Variants in SLC35F1 observed in about 807,000 individuals in gnomAD.
SLC35F1 encodes solute carrier family 35 member F1.
In SLC35F1, 14 loss-of-function variants were observed where a neutral mutation model predicts 48.7. The ratio of observed to expected loss-of-function variants is 0.29; its 90% confidence interval spans 0.19 to 0.45. The LOEUF is 0.45. SLC35F1 is among the 20% of genes least tolerant of loss of function. The pLI is 1.00. For missense variants in SLC35F1, 404 were observed against 500.0 expected (o/e 0.81, Z 1.83); for synonymous variants, 190 against 202.2 (o/e 0.94, Z 0.51).
intron 2 of SLC35F1, among the ~76,000 whole-genome samples, chr6:118,233,390 G>A (rs575630403): frequency 4.6e-5 from 7 of 152,340 alleles, no homozygotes; most frequent in African/African-American, 1.7e-4. Flanking sequence ...AGAGGCAGAA[G>A]AGCTGTTCAA....
At chr6:117,976,357 G>A (rs1320712361) in intron 1 of SLC35F1, among the ~76,000 whole-genome samples, 2 of 152,146 alleles carry the variant, frequency 1.3e-5, no homozygotes, top group Non-Finnish European at 2.9e-5. Context: ...TTCCTTTTTA[G>A]AAGAGTAATT....
chr6:118,317,182 T>A lies in SLC35F1; in HGVS notation c.*2930T>A, dbSNP rs2114679275. 6.5e-6 allele frequency: 1 copy of A among 152,686 alleles called. No homozygotes were observed. The highest frequency in any genetic ancestry group is 2.1e-4 in the South Asian group (1 of 4,816). The allele number at this position is 152,686 out of a possible 1,614,324, so 9.5% of individuals were successfully genotyped here. A position where few individuals can be genotyped will look rare whatever the true frequency, so the allele number is the denominator to read the frequency against. Reference sequence around the variant, plus strand: ...CTCCTGAACCCTGCTAGAGATTAAGTGGTGGTTCTCACTTCCTCAATGAAA... The same window carrying A: ...CTCCTGAACCCTGCTAGAGATTAAGAGGTGGTTCTCACTTCCTCAATGAAA... On this transcript the variant is annotated 3_prime_UTR_variant, in exon 8 of 8. Transcript: ENST00000360388.
intron 1 of SLC35F1, among the ~76,000 whole-genome samples, chr6:117,928,887 A>G (rs1473161262): frequency 6.6e-6 from 1 of 152,182 alleles, no homozygotes; most frequent in Non-Finnish European, 1.5e-5. Context: ...CAGTTGTCCC[A>G]TAGAATTGAT....
chr6:118,217,184 GT>G (rs796150703), intron 2 of SLC35F1, among the ~76,000 whole-genome samples: 10 of 152,266 alleles, frequency 6.6e-5, no homozygotes, highest in Admixed American at 2.0e-4. Context: ...ACTTGCCCCA[GT>G]GTTCATAGCA....
chr6:117,999,181 C>T (rs572451275), intron 1 of SLC35F1: 30 of 1,595,180 alleles, frequency 1.9e-5, no homozygotes, highest in East Asian at 4.5e-5. Context: ...GTGCACGTGC[C>T]GAGGCTATCA....
At chr6:118,268,573 G>A (rs1486735181) in intron 4 of SLC35F1, among the ~76,000 whole-genome samples, 2 of 106,924 alleles carry the variant, frequency 1.9e-5, no homozygotes, top group Non-Finnish European at 4.1e-5. Flanking sequence ...TTGTTCTAAA[G>A]TCATATATAT....
At chr6:118,034,767 T>C (rs1446698100) in intron 1 of SLC35F1, among the ~76,000 whole-genome samples, 1 of 151,986 alleles carries the variant, frequency 6.6e-6, no homozygotes, top group East Asian at 1.9e-4. Flanking sequence ...ACATCATTTA[T>C]ATAATCCTCC....
chr6:117,990,712 G>T (rs2114857481), intron 1 of SLC35F1, among the ~76,000 whole-genome samples: 1 of 152,246 alleles, frequency 6.6e-6, no homozygotes, highest in East Asian at 1.9e-4. Flanking sequence ...GGAGAAGAAG[G>T]CCTTTGTCCT....
intron 4 of SLC35F1, among the ~76,000 whole-genome samples, chr6:118,271,325 C>T (rs2078550213): frequency 6.6e-6 from 1 of 152,142 alleles, no homozygotes; most frequent in African/African-American, 2.4e-5. Context: ...TTTGCTGTAA[C>T]ACTTAGTCCT....
intron 1 of SLC35F1, among the ~76,000 whole-genome samples, chr6:117,923,683 A>ACATATGTATATATGCATATATG (rs1562238759): frequency 1.4e-4 from 1 of 6,992 alleles, no homozygotes; most frequent in African/African-American, 5.3e-4. Flanking sequence ...ATGTACATAT[A>ACATATGTATATATGCATATATG]TACATATGTA....
intron 2 of SLC35F1, among the ~76,000 whole-genome samples, chr6:118,182,517 A>AGG (rs1562317822): frequency 1.4e-4 from 19 of 134,904 alleles, no homozygotes; most frequent in African/African-American, 4.7e-4. Flanking sequence ...AGAGAGAGAG[A>AGG]GAGAAGGAAG....
At chr6:117,915,299 G>C (rs1012344650) in intron 1 of SLC35F1, among the ~76,000 whole-genome samples, 3 of 152,114 alleles carry the variant, frequency 2.0e-5, no homozygotes, top group African/African-American at 2.4e-5. Context: ...ACATTACATT[G>C]TATGTTTTTC....
intron 1 of SLC35F1, among the ~76,000 whole-genome samples, chr6:118,017,591 G>A (rs1253493434): frequency 3.3e-5 from 5 of 152,114 alleles, no homozygotes; most frequent in Non-Finnish European, 5.9e-5. Context: ...GCATGAGCTC[G>A]TACTAATTAT....
At chr6:118,093,638 T>C (rs760848901) in intron 1 of SLC35F1, among the ~76,000 whole-genome samples, 13 of 152,234 alleles carry the variant, frequency 8.5e-5, no homozygotes, top group Non-Finnish European at 1.8e-4. Flanking sequence ...TTCCCAGCCA[T>C]GTGGAACTGT....
At chr6:118,257,773 A>G (rs1775664815) in intron 3 of SLC35F1, among the ~76,000 whole-genome samples, 1 of 152,194 alleles carries the variant, frequency 6.6e-6, no homozygotes, top group East Asian at 1.9e-4. Flanking sequence ...GCTTTTCTGA[A>G]GGTAGTTAAA....
intron 2 of SLC35F1, among the ~76,000 whole-genome samples, chr6:118,215,239 C>T (rs944810579): frequency 6.6e-6 from 1 of 151,956 alleles, no homozygotes; most frequent in Non-Finnish European, 1.5e-5. Context: ...GGCCAGACCG[C>T]AAGGTATTGA....
chr6:118,039,819 T>TTTTTTTTTTTA (rs1307361739), intron 1 of SLC35F1, among the ~76,000 whole-genome samples: 5 of 150,902 alleles, frequency 3.3e-5, no homozygotes, highest in Non-Finnish European at 7.4e-5. Flanking sequence ...TTTTTTTTTT[T>TTTTTTTTTTTA]TGCTTCAGAC....
intron 1 of SLC35F1, among the ~76,000 whole-genome samples, chr6:118,081,195 T>C (rs971732013): frequency 8.5e-5 from 13 of 152,170 alleles, no homozygotes; most frequent in African/African-American, 3.1e-4. Flanking sequence ...CTCATGCAAA[T>C]AGTATTTTAT....
chr6:118,052,365 G>C (rs1372428925), intron 1 of SLC35F1, among the ~76,000 whole-genome samples: 1 of 152,100 alleles, frequency 6.6e-6, no homozygotes. Context: ...AGCAATCTTT[G>C]ACTCTGAGTT....
Sources: allele counts gnomAD v4.1 joint callset (sites outside exome capture counted in the v4.1 genomes callset), GRCh38; gene constraint gnomAD v4.1.1; transcripts MANE v1.5; gene names NCBI Gene and HGNC (gene_info 2026-07-23, HGNC 2026-07-21).